The following CTPS2 variants were observed in gnomAD, a reference collection of about 807,000 sequenced individuals.
CTPS2 encodes CTP synthase 2.
Under a neutral mutation model 46.8 loss-of-function variants are expected in CTPS2, and 19 were observed. That is an observed-to-expected ratio of 0.41 (90% CI 0.28 to 0.60). The LOEUF (loss-of-function observed/expected upper bound fraction) is 0.60. Ranked by LOEUF, CTPS2 falls within the 20% of genes least tolerant of loss-of-function variation. CTPS2 has a pLI of 0.35. For missense variants in CTPS2, 286 were observed against 447.6 expected, an observed-to-expected ratio of 0.64 and a Z score of 3.26; for synonymous variants, 151 against 165.2, an observed-to-expected ratio of 0.91 and a Z score of 0.66.
chrX:16,674,744 A>G (rs1392558007), intron 10 of CTPS2, among the ~76,000 whole-genome samples: 1 of 107,382 alleles, frequency 9.3e-6, no homozygotes. Context: ...AGGCTGAGGC[A>G]GGAGAATGAC....
intron 17 of CTPS2, among the ~76,000 whole-genome samples, chrX:16,595,215 C>T (rs1929168676): frequency 9.0e-6 from 1 of 111,334 alleles, no homozygotes; most frequent in Non-Finnish European, 1.9e-5. Context: ...GAAGAATTAT[C>T]ATATATTAGA....
intron 14 of CTPS2, among the ~76,000 whole-genome samples, chrX:16,632,142 T>G (rs970803068): frequency 9.0e-6 from 1 of 111,433 alleles, no homozygotes; most frequent in Admixed American, 9.6e-5. Flanking sequence ...CCAGATAGTA[T>G]AAGCTTTTTT....
chrX:16,657,253 T>C (rs1377478859), intron 13 of CTPS2, among the ~76,000 whole-genome samples: 1 of 103,710 alleles, frequency 9.6e-6, no homozygotes, highest in Admixed American at 1.1e-4. Flanking sequence ...TTCTGTCAAG[T>C]TGGCTGCTAT....
At chrX:16,603,407 C>T (rs1377618313) in intron 17 of CTPS2, among the ~76,000 whole-genome samples, 2 of 75,075 alleles carry the variant, frequency 2.7e-5, no homozygotes, top group Non-Finnish European at 5.2e-5. Flanking sequence ...CAGAGTGAGA[C>T]TTGTCTCAAA....
chrX:16,710,419 T>C (rs1285260802), intron 1 of CTPS2, among the ~76,000 whole-genome samples: 1 of 112,591 alleles, frequency 8.9e-6, no homozygotes, highest in Admixed American at 9.5e-5. Flanking sequence ...TATGCTTCTC[T>C]CTTGTTAATC....
intron 11 of CTPS2, among the ~76,000 whole-genome samples, chrX:16,669,314 C>T (rs1921517636): frequency 9.1e-6 from 1 of 109,903 alleles, no homozygotes; most frequent in Non-Finnish European, 1.9e-5. Context: ...CCAGATGCTC[C>T]TCCGATAGAT....
chrX:16,677,994 G>T (rs6527702), intron 10 of CTPS2, among the ~76,000 whole-genome samples: 60,738 of 109,907 alleles, frequency 0.55, 13,664 homozygotes, highest in African/African-American at 0.86. Flanking sequence ...CTTTCACTTT[G>T]TAAAAAGAGA....
chrX:16,614,280 C>G (rs1328497554), intron 16 of CTPS2, among the ~76,000 whole-genome samples: 1 of 111,913 alleles, frequency 8.9e-6, no homozygotes, highest in Non-Finnish European at 1.9e-5. Flanking sequence ...CTCCAAATGT[C>G]AATCAATAGT....
At chrX:16,698,205 T>C in intron 4 of CTPS2, 31 bp downstream of exon 4, 1 of 1,001,344 alleles carries the variant, frequency 1.0e-6, no homozygotes, top group Non-Finnish European at 1.4e-6. Flanking sequence ...CCCAGCAGGA[T>C]ATAATTTTAT....
chrX:16,612,763 C>G (rs1216854772), intron 16 of CTPS2, among the ~76,000 whole-genome samples: 2 of 112,163 alleles, frequency 1.8e-5, no homozygotes, highest in African/African-American at 6.5e-5. Flanking sequence ...GCAGTGGTGG[C>G]AGAAGGAGGT....
chrX:16,676,354 C>T (rs1922271662), intron 10 of CTPS2, among the ~76,000 whole-genome samples: 1 of 111,419 alleles, frequency 9.0e-6, no homozygotes, highest in African/African-American at 3.3e-5. Flanking sequence ...GTCCAGGAGC[C>T]TCAAGTTATC....
At chrX:16,709,499 A>G (rs1925283421) in intron 1 of CTPS2, among the ~76,000 whole-genome samples, 1 of 110,992 alleles carries the variant, frequency 9.0e-6, no homozygotes, top group Non-Finnish European at 1.9e-5. Flanking sequence ...AAAATTGAAT[A>G]TATTATTGAC....
intron 9 of CTPS2, among the ~76,000 whole-genome samples, chrX:16,681,861 A>G (rs7886958): frequency 0.11 from 12,182 of 111,161 alleles, 960 homozygotes; most frequent in African/African-American, 0.27. Flanking sequence ...TGCTTTGTTT[A>G]AATGTTTTAC....
At chrX:16,598,574 C>G (rs1384228418) in intron 17 of CTPS2, among the ~76,000 whole-genome samples, 10 of 111,774 alleles carry the variant, frequency 8.9e-5, no homozygotes, top group African/African-American at 2.6e-4. Context: ...CAATAGCTTA[C>G]CAACCAAAAA....
At chrX:16,608,040 T>A (rs1163096759) in intron 17 of CTPS2, among the ~76,000 whole-genome samples, 1 of 110,651 alleles carries the variant, frequency 9.0e-6, no homozygotes, top group Non-Finnish European at 1.9e-5. Context: ...GGTGAAACCC[T>A]GTCTCTACTA....
Position 16,700,402 on chromosome X carries a change from C to G in CTPS2, c.167-1309G>C, listed in dbSNP as rs186357477. ...AAAATGCTGCGATTACAGGCGTGAGCCACCGTGCCCGGCCTATTATTTTTT... is the reference window on the plus strand; with the variant it reads ...AAAATGCTGCGATTACAGGCGTGAGGCACCGTGCCCGGCCTATTATTTTTT... On this transcript the variant is annotated intron_variant, in intron 2 of 18. Coordinates refer to ENST00000359276, the MANE Select transcript of CTPS2 (RefSeq NM_175859.3). Among the ~76,000 whole-genome samples the G allele has an allele frequency of 7.4e-5, 8 of 108,432 alleles. No individual in the cohort carries two copies. In the East Asian group the frequency reaches 2.3e-3, roughly 32 times the overall value. The allele number at this position is 108,432 out of a possible 115,157, so 94.2% of individuals were successfully genotyped here. A position where few individuals can be genotyped will look rare whatever the true frequency, so the allele number is the denominator to read the frequency against.
chrX:16,663,992 C>CCAT (rs1933067354), intron 13 of CTPS2, among the ~76,000 whole-genome samples: 6 of 110,427 alleles, frequency 5.4e-5, no homozygotes, highest in Non-Finnish European at 9.5e-5. Flanking sequence ...CGTGCCACCA[C>CCAT]GCCCAGCTAA....
chrX:16,702,064 G>A (rs779795350), intron 2 of CTPS2, among the ~76,000 whole-genome samples: 1 of 109,748 alleles, frequency 9.1e-6, no homozygotes, highest in African/African-American at 3.3e-5. Context: ...TTGTTTGTTT[G>A]TTTGTTTTGA....
intron 13 of CTPS2, among the ~76,000 whole-genome samples, chrX:16,647,988 G>A (rs1932407917): frequency 1.8e-5 from 2 of 111,037 alleles, no homozygotes; most frequent in Admixed American, 9.6e-5. Context: ...TGTAGTCCCA[G>A]CTACTCGGGA....
Sources: allele counts gnomAD v4.1 joint callset (sites outside exome capture counted in the v4.1 genomes callset), GRCh38; gene constraint gnomAD v4.1.1; transcripts MANE v1.5; gene names NCBI Gene and HGNC (gene_info 2026-07-23, HGNC 2026-07-21).